Variants in ELL observed in about 807,000 individuals in gnomAD.
The protein encoded by ELL is RNA polymerase II elongation factor ELL.
A neutral mutation model predicts 64.0 loss-of-function variants in ELL; 18 were observed. That is an observed-to-expected ratio of 0.28 (90% confidence interval 0.19 to 0.42). The LOEUF (loss-of-function observed/expected upper bound fraction) is 0.42. ELL is among the 10% of genes least tolerant of loss of function. The probability of loss-of-function intolerance (pLI) is 1.00; values close to 1 mark genes in which losing one functional copy is unlikely to be tolerated. For missense variants in ELL, 797 were observed against 870.4 expected, an observed-to-expected ratio of 0.92 and a Z score of 1.06; for synonymous variants, 399 against 376.2, an observed-to-expected ratio of 1.06 and a Z score of -0.70.
chr19:18,471,554 G>C (rs1975065608), intron 2 of ELL, among the ~76,000 whole-genome samples: 1 of 152,160 alleles, frequency 6.6e-6, no homozygotes, highest in Admixed American at 6.5e-5. Context: ...TGTAATCTCA[G>C]CTACTTGGGA....
In ELL at chr19:18,473,060, T is replaced by C. The variant is rs142184049; in HGVS notation, c.136-178A>G. 1.3e-4 allele frequency: 100 copies of C among 754,588 alleles called. No homozygotes were observed. In the East Asian group the frequency reaches 2.6e-3, roughly 20 times the overall value. 46.7% of individuals were successfully genotyped at this position (754,588 alleles called of 1,614,324 possible). ...AGGCAAGGTCACCGGAGCAGGGTTTTAGAAGGATCAGTAGGAGTTCCTCAG... is the reference window on the plus strand; with the variant it reads ...AGGCAAGGTCACCGGAGCAGGGTTTCAGAAGGATCAGTAGGAGTTCCTCAG... On this transcript the variant is annotated intron_variant, in intron 1 of 11. Coordinates refer to ENST00000262809, the MANE Select transcript of ELL (RefSeq NM_006532.4).
chr19:18,449,870 T>C lies in ELL; in HGVS notation c.1465+607A>G, dbSNP rs1378344084. Among the ~76,000 whole-genome samples, 1 of 152,190 alleles carries C rather than the reference T, an allele frequency of 6.6e-6. No individual in the cohort carries two copies. The highest frequency in any genetic ancestry group is 1.5e-5 in the Non-Finnish European group (1 of 68,008). ...AGGCGGGTGCTACTGCTGCTCAGTT[T>C]AGGTGCCTGGGCTGTGGTCTCGGAG... On this transcript the variant is annotated intron_variant, in intron 8 of 11. Coordinates refer to ENST00000262809, the MANE Select transcript of ELL (RefSeq NM_006532.4). The surrounding 1 kb of genome is among the most constrained non-coding windows in gnomAD (Gnocchi z 4.4).
At chr19:18,473,000 G>A (rs1975097627) in intron 1 of ELL, 118 bp from the exon 2 acceptor site, 2 of 1,231,814 alleles carry the variant, frequency 1.6e-6, no homozygotes, top group African/African-American at 1.5e-5. Flanking sequence ...GTTCTCAGGA[G>A]AGGGGAAAGG....
At position 18,470,930 on chromosome 19, in the gene ELL, C is replaced by T. The variant is rs138717519; in HGVS notation, c.183+1905G>A. On this transcript the variant is annotated intron_variant, in intron 2 of 11. Transcript: ENST00000262809. ...ATCTTTTTATCAGCACACACAGACA[C>T]ACGTCTCCTAGAGGCTCCATGTCTC... 2.0e-5 allele frequency: 9 copies of T among 456,118 alleles called. No homozygotes were observed. The East Asian group carries it at 6.3e-4, about 32-fold the overall frequency. 28.3% of individuals were successfully genotyped at this position (456,118 alleles called of 1,614,324 possible).
chr19:18,487,443 A>T (rs940415977), intron 1 of ELL, among the ~76,000 whole-genome samples: 26 of 152,200 alleles, frequency 1.7e-4, no homozygotes, highest in African/African-American at 6.0e-4. Flanking sequence ...AGTGCTTAGG[A>T]TGCGCACAGA....
intron 1 of ELL, among the ~76,000 whole-genome samples, chr19:18,511,411 T>C (rs1185279940): frequency 2.6e-5 from 4 of 152,002 alleles, no homozygotes; most frequent in Non-Finnish European, 4.4e-5. Flanking sequence ...GCCTCGGCGA[T>C]CCAACAGGTC....
At chr19:18,513,604 A>C (rs1449409983) in intron 1 of ELL, among the ~76,000 whole-genome samples, 1 of 152,114 alleles carries the variant, frequency 6.6e-6, no homozygotes, top group African/African-American at 2.4e-5. Context: ...TATATAGTAA[A>C]AAGGAAAAAA....
At chr19:18,451,778 G>A (rs1974544112) in intron 6 of ELL, 130 bp from the exon 7 acceptor site, 1 of 687,958 alleles carries the variant, frequency 1.5e-6, no homozygotes, top group Non-Finnish European at 2.2e-6. Context: ...TCCAGAGCAG[G>A]GCCAAGGGGT....
At chr19:18,466,839 C>T (rs1427570151) in intron 2 of ELL, among the ~76,000 whole-genome samples, 1 of 152,318 alleles carries the variant, frequency 6.6e-6, no homozygotes, top group African/African-American at 2.4e-5. Flanking sequence ...GTCTTGTCCC[C>T]TGGCTGCAGC....
chr19:18,519,918 C>CA (rs1245692497), intron 1 of ELL, among the ~76,000 whole-genome samples: 1 of 152,024 alleles, frequency 6.6e-6, no homozygotes, highest in Non-Finnish European at 1.5e-5. Flanking sequence ...AAATATAATC[C>CA]AGCCAGCCAA....
intron 8 of ELL, chr19:18,448,489 C>T (rs138423819): frequency 6.5e-4 from 99 of 152,378 alleles, no homozygotes; most frequent in African/African-American, 2.3e-3. Flanking sequence ...TGTGGCCTTC[C>T]CAGGGACGCA....
chr19:18,485,508 G>A (rs545878984), intron 1 of ELL, among the ~76,000 whole-genome samples: 1 of 152,116 alleles, frequency 6.6e-6, no homozygotes, highest in Admixed American at 6.5e-5. Flanking sequence ...TCCACTATGG[G>A]AGCCCATCTC....
intron 1 of ELL, among the ~76,000 whole-genome samples, chr19:18,498,095 C>T (rs1196575422): frequency 2.0e-5 from 3 of 151,922 alleles, no homozygotes; most frequent in Non-Finnish European, 4.4e-5. Flanking sequence ...CCATTGCACT[C>T]CATCCTGGGC....
In ELL at chr19:18,521,932, G is replaced by A. The variant is rs747250123; in HGVS notation, c.124C>T (p.Arg42Cys). 1.3e-6 allele frequency: 2 copies of A among 1,599,254 alleles called. No individual in the cohort carries two copies. The highest frequency in any genetic ancestry group is 1.7e-4 in the Middle Eastern group (1 of 6,016). Reference sequence around the variant, plus strand: ...GCCATGCCACTCACCTGTCTGGCGCGGTAGCTCTCGAAGGCCCTCAGGGCA... The same window carrying A: ...GCCATGCCACTCACCTGTCTGGCGCAGTAGCTCTCGAAGGCCCTCAGGGCA... ...DSALRAFESY[R>C]ARQDSVSLRP... The change falls in exon 1 of 12, where the codon CGC (arginine) becomes TGC (cysteine). Residue 42 changes from arginine to cysteine, a missense_variant. Arg to Cys is a radical substitution (Grantham distance 180). Transcript: ENST00000262809.
intron 10 of ELL, 35 bp downstream of exon 10, chr19:18,446,274 G>C: frequency 1.3e-6 from 2 of 1,513,574 alleles, no homozygotes; most frequent in Non-Finnish European, 1.8e-6. Flanking sequence ...GCTCCCGCCA[G>C]AGCCAGGGCA....
chr19:18,464,490 TACA>T (rs34753193), intron 4 of ELL, among the ~76,000 whole-genome samples: 66,560 of 151,874 alleles, frequency 0.44, 16,412 homozygotes, highest in African/African-American at 0.68. Flanking sequence ...TCCCTGGCCA[TACA>T]ACATGTCCAC....
chr19:18,445,203 C>G, intron 11 of ELL, 21 bp downstream of exon 11: 1 of 1,614,030 alleles, frequency 6.2e-7, no homozygotes, highest in South Asian at 1.1e-5. Flanking sequence ...TGGAGCCCAC[C>G]CCAACACAAG....
At position 18,449,935 on chromosome 19, in the gene ELL, G is replaced by A. The variant is rs1446748997; in HGVS notation, c.1465+542C>T. ...TGGCTCCCCAATCCCAGCCTGCCAGGCCCTGTCCCCACAGCAGAAACCTAC... is the reference window on the plus strand; with the variant it reads ...TGGCTCCCCAATCCCAGCCTGCCAGACCCTGTCCCCACAGCAGAAACCTAC... On this transcript the variant is annotated intron_variant, in intron 8 of 11. Coordinates refer to ENST00000262809, the MANE Select transcript of ELL (RefSeq NM_006532.4). The surrounding 1 kb of genome is among the most constrained non-coding windows in gnomAD (Gnocchi z 4.4). Among the ~76,000 whole-genome samples, 3 of 152,146 alleles carry A rather than the reference G, an allele frequency of 2.0e-5. No individual in the cohort carries two copies. The highest frequency in any genetic ancestry group is 7.2e-5 in the African/African-American group (3 of 41,404).
chr19:18,491,140 T>C (rs945359856), intron 1 of ELL, among the ~76,000 whole-genome samples: 2 of 151,944 alleles, frequency 1.3e-5, no homozygotes, highest in Non-Finnish European at 2.9e-5. Context: ...TGGAGTGCAG[T>C]GGTGTGATCA....
Sources: allele counts gnomAD v4.1 joint callset (sites outside exome capture counted in the v4.1 genomes callset), GRCh38; gene constraint gnomAD v4.1.1; non-coding constraint Gnocchi (gnomAD v3.1); transcripts MANE v1.5; gene names NCBI Gene and HGNC (gene_info 2026-07-23, HGNC 2026-07-21).